Variants in FGF12 observed in about 807,000 individuals in gnomAD.
FGF12 encodes fibroblast growth factor 12B.
FGF12 carries 14 observed loss-of-function variants against 23.6 expected under a neutral mutation model. That is an observed-to-expected ratio of 0.59 (90% CI 0.39 to 0.93). FGF12 has a LOEUF of 0.93. Ranked by LOEUF, FGF12 falls within the 40% of genes least tolerant of loss-of-function variation. The probability of loss-of-function intolerance (pLI) is 0.00; values close to 1 mark genes in which losing one functional copy is unlikely to be tolerated. For missense variants in FGF12, 175 were observed against 217.8 expected, an observed-to-expected ratio of 0.80 and a Z score of 1.24; for synonymous variants, 62 against 77.3, an observed-to-expected ratio of 0.80 and a Z score of 1.04.
At chr3:192,189,025 CAT>C (rs1716639567) in intron 4 of FGF12, among the ~76,000 whole-genome samples, 1 of 152,248 alleles carries the variant, frequency 6.6e-6, no homozygotes, top group African/African-American at 2.4e-5. Context: ...CCTCCCTACA[CAT>C]GAGTGTGCTA....
rs1553804997 is a variant in FGF12 at position 192,378,026 on chromosome 3, T to TTTCTCTCTCTTTCTTTCTTTC, written c.14-17489_14-17488insGAAAGAAAGAAAGAGAGAGAA. On this transcript the variant is annotated intron_variant, in intron 2 of 5. Transcript: ENST00000445105. The stretch of plus-strand genomic sequence containing the variant: ...GAGATCCCTTTCTTCTGACTCTTTC[T>TTTCTCTCTCTTTCTTTCTTTC]TTTCTTTCTTTCTTTCTTTCTTTCT... 2.0e-4 allele frequency among the ~76,000 whole-genome samples: 14 copies of TTTCTCTCTCTTTCTTTCTTTC among 69,430 alleles called. 3 individuals carry two copies. Among genetic ancestry groups the TTTCTCTCTCTTTCTTTCTTTC allele is most frequent in the African/African-American group, 4.4e-4 (6 of 13,524 alleles). The allele number at this position is 69,430 out of a possible 152,430, so 45.5% of individuals were successfully genotyped here.
intron 2 of FGF12, among the ~76,000 whole-genome samples, chr3:192,362,401 C>T (rs575954159): frequency 3.9e-5 from 6 of 152,028 alleles, no homozygotes; most frequent in South Asian, 4.2e-4. Flanking sequence ...CTCCACCCCA[C>T]GACAGTCCCA....
At position 192,514,928 on chromosome 3, in the gene FGF12, C is replaced by G; in HGVS notation, c.14-154390G>C. ...GCCCGGGCGCCGGCAGGGGGCGGGC[C>G]GGGACGCGGAAGTGCCGGTCCGCCG... On this transcript the variant is annotated intron_variant, in intron 2 of 5. Transcript: ENST00000445105. This position sits in a 1 kb window ranked among gnomAD's most constrained non-coding sequence, Gnocchi z 4.9. The G allele has an allele frequency of 1.0e-6, 1 of 960,176 alleles. No individual in the cohort carries two copies. The highest frequency in any genetic ancestry group is 1.2e-6 in the Non-Finnish European group (1 of 807,008). The allele number at this position is 960,176 out of a possible 1,614,324, so 59.5% of individuals were successfully genotyped here.
chr3:192,567,253 C>T (rs1237500394), intron 2 of FGF12, among the ~76,000 whole-genome samples: 1 of 151,914 alleles, frequency 6.6e-6, no homozygotes, highest in Non-Finnish European at 1.5e-5. Context: ...AATACTCTAC[C>T]TTCAACTTTA....
intron 2 of FGF12, among the ~76,000 whole-genome samples, chr3:192,681,853 G>T (rs1440953053): frequency 6.6e-6 from 1 of 152,056 alleles, no homozygotes; most frequent in African/African-American, 2.4e-5. Context: ...AGGAGGAAAG[G>T]CAACATGCTG....
intron 4 of FGF12, among the ~76,000 whole-genome samples, chr3:192,211,456 G>A (rs548712214): frequency 6.6e-6 from 1 of 152,024 alleles, no homozygotes; most frequent in East Asian, 1.9e-4. Context: ...ACGGACCCTC[G>A]CTCTTGTGGC....
chr3:192,400,372 T>TC (rs1720709307), intron 2 of FGF12, among the ~76,000 whole-genome samples: 1 of 148,724 alleles, frequency 6.7e-6, no homozygotes, highest in Non-Finnish European at 1.5e-5. Flanking sequence ...TTCTTTTCTT[T>TC]TTTTTTTTTT....
At chr3:192,473,977 C>T (rs922474736) in intron 2 of FGF12, among the ~76,000 whole-genome samples, 1 of 152,198 alleles carries the variant, frequency 6.6e-6, no homozygotes. Context: ...CCCTGAAGCG[C>T]TCATGGTGTG....
intron 4 of FGF12, among the ~76,000 whole-genome samples, chr3:192,325,590 A>T (rs1382753197): frequency 6.6e-6 from 1 of 152,166 alleles, no homozygotes; most frequent in East Asian, 1.9e-4. Context: ...TTTCCATGAG[A>T]AAGTACGTTG....
chr3:192,368,978 T>C (rs1190648113), intron 2 of FGF12, among the ~76,000 whole-genome samples: 1 of 152,150 alleles, frequency 6.6e-6, no homozygotes, highest in East Asian at 1.9e-4. Context: ...CACAGGGTCT[T>C]CCCTGACACC....
intron 4 of FGF12, among the ~76,000 whole-genome samples, chr3:192,241,015 C>T (rs1436694080): frequency 6.6e-6 from 1 of 152,208 alleles, no homozygotes; most frequent in East Asian, 1.9e-4. Context: ...TGAATCAATG[C>T]CCACAAAATA....
chr3:192,174,714 A>C (rs1395048418), intron 4 of FGF12, among the ~76,000 whole-genome samples: 2 of 150,290 alleles, frequency 1.3e-5, no homozygotes, highest in Non-Finnish European at 3.0e-5. Flanking sequence ...TTTTTTTGTA[A>C]TGAGAAATCA....
chr3:192,300,322 T>C (rs1012005152), intron 4 of FGF12, among the ~76,000 whole-genome samples: 11 of 152,238 alleles, frequency 7.2e-5, no homozygotes, highest in African/African-American at 2.4e-4. Flanking sequence ...TTTGGATATT[T>C]GCTGGACATA....
At chr3:192,658,135 TCA>T (rs2108681889) in intron 2 of FGF12, among the ~76,000 whole-genome samples, 1 of 152,246 alleles carries the variant, frequency 6.6e-6, no homozygotes, top group African/African-American at 2.4e-5. Context: ...TCTTGAAAAA[TCA>T]CAGAAAAACC....
At chr3:192,234,892 T>G (rs993489548) in intron 4 of FGF12, among the ~76,000 whole-genome samples, 2 of 152,218 alleles carry the variant, frequency 1.3e-5, no homozygotes, top group Non-Finnish European at 2.9e-5. Flanking sequence ...GACTAAAGCC[T>G]GCTTTATTGT....
At chr3:192,541,804 A>G (rs546906278) in intron 2 of FGF12, among the ~76,000 whole-genome samples, 29 of 152,116 alleles carry the variant, frequency 1.9e-4, no homozygotes, top group African/African-American at 6.0e-4. Context: ...CTACTATTTT[A>G]GGATACAAGT....
chr3:192,376,386 G>T (rs1719504085), intron 2 of FGF12, among the ~76,000 whole-genome samples: 1 of 151,304 alleles, frequency 6.6e-6, no homozygotes, highest in Non-Finnish European at 1.5e-5. Flanking sequence ...TTTTGAGACT[G>T]AGTTTCACTC....
chr3:192,624,962 T>C (rs1025627075), intron 2 of FGF12, among the ~76,000 whole-genome samples: 1 of 152,146 alleles, frequency 6.6e-6, no homozygotes, highest in Non-Finnish European at 1.5e-5. Flanking sequence ...ACTACTGTCA[T>C]AGTCCTGTAC....
chr3:192,632,016 T>C (rs1194611607), intron 2 of FGF12, among the ~76,000 whole-genome samples: 3 of 152,178 alleles, frequency 2.0e-5, no homozygotes, highest in Admixed American at 6.5e-5. Flanking sequence ...ACCCAACTCA[T>C]AGTTCTCTCA....
Sources: allele counts gnomAD v4.1 joint callset (sites outside exome capture counted in the v4.1 genomes callset), GRCh38; gene constraint gnomAD v4.1.1; non-coding constraint Gnocchi (gnomAD v3.1); transcripts MANE v1.5; gene names NCBI Gene and HGNC (gene_info 2026-07-23, HGNC 2026-07-21).